Variants in ANKS1B observed in about 807,000 individuals in gnomAD.
ANKS1B encodes the protein ankyrin repeat and sterile alpha motif domain-containing protein 1B.
In ANKS1B, 36 loss-of-function variants were observed where a neutral mutation model predicts 148.3. The ratio of observed to expected loss-of-function variants is 0.24; its 90% CI spans 0.19 to 0.32. The LOEUF is 0.32. Ranked by LOEUF, ANKS1B falls within the 10% of genes least tolerant of loss-of-function variation. The probability of loss-of-function intolerance (pLI) is 1.00; values close to 1 mark genes in which losing one functional copy is unlikely to be tolerated. For missense variants in ANKS1B, 1,157 were observed against 1,542.6 expected (o/e 0.75, Z 4.19); for synonymous variants, 542 against 560.8 (o/e 0.97, Z 0.47).
At chr12:98,817,373 C>T (rs1275665200) in intron 19 of ANKS1B, among the ~76,000 whole-genome samples, 1 of 152,236 alleles carries the variant, frequency 6.6e-6, no homozygotes, top group Non-Finnish European at 1.5e-5. Context: ...ACGCACCAAA[C>T]ACCTTGTATG....
chr12:99,922,425 A>G (rs2094381777), intron 1 of ANKS1B, among the ~76,000 whole-genome samples: 2 of 152,170 alleles, frequency 1.3e-5, no homozygotes, highest in Admixed American at 1.3e-4. Context: ...GAGTAGGAAA[A>G]AAAACATTTC....
At chr12:98,786,333 A>G (rs530472114) in intron 22 of ANKS1B, among the ~76,000 whole-genome samples, 1 of 152,336 alleles carries the variant, frequency 6.6e-6, no homozygotes, top group South Asian at 2.1e-4. Flanking sequence ...TATTGTCTAT[A>G]ACCATTAAAC....
intron 17 of ANKS1B, among the ~76,000 whole-genome samples, chr12:98,888,058 G>T (rs967920735): frequency 6.6e-6 from 1 of 152,124 alleles, no homozygotes; most frequent in African/African-American, 2.4e-5. Context: ...TACTGCTAAA[G>T]GTGGTTATTT....
At chr12:98,975,175 TTCC>T (rs1156811203) in intron 17 of ANKS1B, among the ~76,000 whole-genome samples, 1 of 129,918 alleles carries the variant, frequency 7.7e-6, no homozygotes, top group Non-Finnish European at 1.6e-5. Context: ...CCCTCCCACC[TTCC>T]TCCCTTTCCT....
intron 17 of ANKS1B, among the ~76,000 whole-genome samples, chr12:98,927,662 T>G (rs897887368): frequency 1.3e-4 from 19 of 151,936 alleles, no homozygotes; most frequent in East Asian, 5.8e-4. Context: ...TGAAGCTATA[T>G]TGAAGCAGTT....
At chr12:99,088,941 G>A (rs1373117951) in intron 15 of ANKS1B, among the ~76,000 whole-genome samples, 1 of 132,326 alleles carries the variant, frequency 7.6e-6, no homozygotes, top group African/African-American at 2.9e-5. Flanking sequence ...TGTCTCCTGT[G>A]TTCCAGTGAT....
intron 17 of ANKS1B, among the ~76,000 whole-genome samples, chr12:98,934,058 A>T (rs1014199547): frequency 6.6e-6 from 1 of 152,048 alleles, no homozygotes; most frequent in Non-Finnish European, 1.5e-5. Flanking sequence ...CTTTTGTGTC[A>T]TACCCATGAA....
intron 9 of ANKS1B, among the ~76,000 whole-genome samples, chr12:99,606,106 T>C (rs1264800435): frequency 6.6e-6 from 1 of 152,076 alleles, no homozygotes; most frequent in Non-Finnish European, 1.5e-5. Context: ...CATTTTTCCA[T>C]ATACTTCTTG....
chr12:98,928,944 T>C (rs1598544), intron 17 of ANKS1B, among the ~76,000 whole-genome samples: 13,392 of 151,900 alleles, frequency 0.088, 1,280 homozygotes, highest in South Asian at 0.25. Context: ...CCAGGCTAAT[T>C]AGGCAAGAAA....
intron 17 of ANKS1B, among the ~76,000 whole-genome samples, chr12:98,967,073 T>C (rs2099878719): frequency 6.6e-6 from 1 of 152,120 alleles, no homozygotes; most frequent in Non-Finnish European, 1.5e-5. Flanking sequence ...TGGTGAGTCA[T>C]AGGAGGGATG....
intron 25 of ANKS1B, among the ~76,000 whole-genome samples, chr12:98,758,221 T>C (rs1476365211): frequency 6.6e-6 from 1 of 152,104 alleles, no homozygotes; most frequent in African/African-American, 2.4e-5. Flanking sequence ...GTCTATTACT[T>C]CCATTTTGCA....
At chr12:99,389,800 A>C (rs1046665202) in intron 12 of ANKS1B, among the ~76,000 whole-genome samples, 1 of 152,012 alleles carries the variant, frequency 6.6e-6, no homozygotes, top group Non-Finnish European at 1.5e-5. Context: ...TTTAAAAAAA[A>C]ACAGATTTTC....
intron 9 of ANKS1B, among the ~76,000 whole-genome samples, chr12:99,560,210 G>C (rs2097318537): frequency 1.3e-5 from 2 of 152,054 alleles, no homozygotes; most frequent in African/African-American, 4.8e-5. Context: ...GTGAGTTCTA[G>C]TTGCTTATTT....
chr12:99,960,126 ATTATT>A (rs1464896568), intron 1 of ANKS1B, among the ~76,000 whole-genome samples: 1 of 152,242 alleles, frequency 6.6e-6, no homozygotes, highest in African/African-American at 2.4e-5. Flanking sequence ...AATATAGAGA[ATTATT>A]TTAAGATTCA....
chr12:98,954,715 T>C (rs1264464256), intron 17 of ANKS1B, among the ~76,000 whole-genome samples: 3 of 152,216 alleles, frequency 2.0e-5, no homozygotes, highest in Non-Finnish European at 4.4e-5. Flanking sequence ...GTCACTATAT[T>C]CTTCCACTAG....
At chr12:99,657,897 CAAAAAA>C (rs58151526) in intron 8 of ANKS1B, among the ~76,000 whole-genome samples, 6 of 75,424 alleles carry the variant, frequency 8.0e-5, no homozygotes, top group Non-Finnish European at 9.7e-5. Flanking sequence ...TCTCCTCCCT[CAAAAAA>C]AAAAAAAAAA....
intron 9 of ANKS1B, among the ~76,000 whole-genome samples, chr12:99,626,488 T>TC (rs2098113879): frequency 6.6e-6 from 1 of 152,172 alleles, no homozygotes; most frequent in South Asian, 2.1e-4. Flanking sequence ...CCTTTCACTT[T>TC]CTTTTTTCTT....
At chr12:98,997,746 T>C (rs2099930578) in intron 17 of ANKS1B, among the ~76,000 whole-genome samples, 1 of 152,166 alleles carries the variant, frequency 6.6e-6, no homozygotes, top group Non-Finnish European at 1.5e-5. Context: ...AACAAGCACT[T>C]AGAAAGTGCC....
intron 16 of ANKS1B, among the ~76,000 whole-genome samples, chr12:99,075,684 T>A (rs1364091510): frequency 6.6e-6 from 1 of 151,866 alleles, no homozygotes; most frequent in Non-Finnish European, 1.5e-5. Context: ...TTTCAGCAAG[T>A]CAACTGCTCC....
Sources: allele counts gnomAD v4.1 joint callset (sites outside exome capture counted in the v4.1 genomes callset), GRCh38; gene constraint gnomAD v4.1.1; transcripts MANE v1.5; gene names NCBI Gene and HGNC (gene_info 2026-07-23, HGNC 2026-07-21).